KCTD15: variants seen among roughly 807,000 people sequenced by gnomAD.
The protein encoded by KCTD15 is potassium channel tetramerization domain containing 15, also known as BTB/POZ domain-containing protein KCTD15.
In KCTD15, 11 loss-of-function variants were observed where a neutral mutation model predicts 27.2. That is an observed-to-expected ratio of 0.41 (90% CI 0.25 to 0.67). The LOEUF (loss-of-function observed/expected upper bound fraction) is 0.67, where lower values mean the gene tolerates loss of function less well. Among genes scored for constraint, KCTD15 ranks in the 30% least tolerant of loss-of-function variants. KCTD15 has a pLI of 0.35. For synonymous variants in KCTD15, 163 were observed against 176.0 expected, an observed-to-expected ratio of 0.93 and a Z score of 0.58; for missense variants, 350 against 409.3, an observed-to-expected ratio of 0.86 and a Z score of 1.25.
intron 4 of KCTD15, 65 bp from the exon 5 acceptor site, chr19:33,806,798 G>T (rs1323148609): frequency 5.1e-6 from 8 of 1,572,264 alleles, no homozygotes; most frequent in Non-Finnish European, 6.1e-6. Context: ...TGGGGGCGGG[G>T]TGTGGGAAGA....
intron 5 of KCTD15, 56 bp from the exon 6 acceptor site, chr19:33,811,191 T>TCCCCCCCCCCC: frequency 3.3e-6 from 2 of 615,000 alleles, no homozygotes; most frequent in Non-Finnish European, 4.9e-6. Context: ...CTCTCCCCCT[T>TCCCCCCCCCCC]CCCCCACCAC....
intron 5 of KCTD15, 144 bp from the exon 6 acceptor site, chr19:33,811,103 T>G: frequency 1.4e-6 from 1 of 697,752 alleles, no homozygotes; most frequent in Non-Finnish European, 2.3e-6. Context: ...GTACAATGGG[T>G]GCAACCGGCC....
At position 33,812,940 on chromosome 19, in the gene KCTD15, C is replaced by G. The variant is rs1231760748; in HGVS notation, c.844C>G (p.Leu282Val). Residue 282 changes from leucine (L) to valine (V), a missense_variant, in exon 7 of 7, where the codon CTG becomes GTG. Coordinates refer to ENST00000683859, the MANE Select transcript of KCTD15 (RefSeq NM_001129994.2). ...PTAVRIKQEP[L>V]D ...TGCTGTTCGAATCAAGCAGGAACCCCTGGACTAGGCCCTGCTTCAGTGCCC... is the reference window on the plus strand; with the variant it reads ...TGCTGTTCGAATCAAGCAGGAACCCGTGGACTAGGCCCTGCTTCAGTGCCC... 1 of 1,546,698 alleles carries G rather than the reference C, an allele frequency of 6.5e-7. No homozygotes were observed. The highest frequency in any genetic ancestry group is 1.4e-5 in the African/African-American group (1 of 73,150).
intron 4 of KCTD15, among the ~76,000 whole-genome samples, chr19:33,805,003 T>C (rs757690090): frequency 2.6e-5 from 4 of 151,866 alleles, no homozygotes; most frequent in Non-Finnish European, 5.9e-5. Flanking sequence ...TCTCGGCTCA[T>C]TGCAACCTCA....
At chr19:33,796,684 G>A (rs1413391375), upstream of KCTD15, among the ~76,000 whole-genome samples, 1 of 148,108 alleles carries the variant, frequency 6.8e-6, no homozygotes, top group Non-Finnish European at 1.5e-5. Context: ...CGGGAGGGCA[G>A]CCGGAGAGCG....
At chr19:33,800,342 G>C in intron 2 of KCTD15, 86 bp from the exon 3 acceptor site, 1 of 1,126,992 alleles carries the variant, frequency 8.9e-7, no homozygotes, top group Non-Finnish European at 1.3e-6. Flanking sequence ...AGAGCATGCA[G>C]AAAGGACAAT....
intron 1 of KCTD15, 198 bp from the exon 2 acceptor site, chr19:33,798,470 G>C (rs2145428895): frequency 6.6e-6 from 1 of 152,210 alleles, no homozygotes; most frequent in South Asian, 2.1e-4. Flanking sequence ...GCAGGGACCC[G>C]GGTCTCCCGC....
At chr19:33,802,542 G>A (rs928961733) in intron 4 of KCTD15, among the ~76,000 whole-genome samples, 2 of 152,136 alleles carry the variant, frequency 1.3e-5, no homozygotes, top group Admixed American at 1.3e-4. Flanking sequence ...GAGAGTCTAG[G>A]GTACAGATGG....
chr19:33,803,780 G>A (rs887600992), intron 4 of KCTD15, among the ~76,000 whole-genome samples: 1 of 152,128 alleles, frequency 6.6e-6, no homozygotes, highest in African/African-American at 2.4e-5. Flanking sequence ...AAATGAAGAT[G>A]GCCAGGAGCT....
In KCTD15 at chr19:33,808,062, A is replaced by T. The variant is rs1599683364; in HGVS notation, c.387+1055A>T. On this transcript the variant is annotated intron_variant, in intron 5 of 6. Transcript: ENST00000683859. The stretch of plus-strand genomic sequence containing the variant: ...CCCCAGGTCTCCGGGTGAGCCCGTC[A>T]GGGCAGGTGACCTGGTTCCCTGGGT... Among the ~76,000 whole-genome samples the T allele has an allele frequency of 3.9e-5, 6 of 152,378 alleles. No homozygotes were observed. The South Asian group carries it at 1.2e-3, about 32-fold the overall frequency.
Position 33,812,962 on chromosome 19 carries a change from GC to G in KCTD15, c.*17del, listed in dbSNP as rs537048241. On this transcript the variant is annotated 3_prime_UTR_variant, in exon 7 of 7. Coordinates refer to ENST00000683859, the MANE Select transcript of KCTD15 (RefSeq NM_001129994.2). ...CCCCTGGACTAGGCCCTGCTTCAGT[GC>G]CCACCTGGGCCCCCCCAGGGACCTG... The G allele has an allele frequency of 1.1e-4, 169 of 1,530,654 alleles. No individual in the cohort carries two copies. In the African/African-American group the frequency reaches 2.2e-3, roughly 20 times the overall value. The allele number at this position is 1,530,654 out of a possible 1,614,324, so 94.8% of individuals were successfully genotyped here.
At chr19:33,798,604 T>C (rs2145429582) in intron 1 of KCTD15, 64 bp from the exon 2 acceptor site, 1 of 152,862 alleles carries the variant, frequency 6.5e-6, no homozygotes, top group African/African-American at 2.4e-5. Context: ...CTGGGTTTGA[T>C]GCTGGTGCTG....
At chr19:33,809,934 G>C (rs1211287557) in intron 5 of KCTD15, among the ~76,000 whole-genome samples, 1 of 152,190 alleles carries the variant, frequency 6.6e-6, no homozygotes, top group South Asian at 2.1e-4. Flanking sequence ...CCAGGATAGA[G>C]CCCTGAGGAG....
intron 4 of KCTD15, among the ~76,000 whole-genome samples, chr19:33,805,924 C>T (rs1056335278): frequency 1.3e-5 from 2 of 152,228 alleles, no homozygotes; most frequent in Admixed American, 6.5e-5. Flanking sequence ...CAGGGGCTCC[C>T]CAAGACCCTT....
At chr19:33,800,960 C>T (rs1338055435) in intron 3 of KCTD15, among the ~76,000 whole-genome samples, 5 of 152,076 alleles carry the variant, frequency 3.3e-5, no homozygotes, top group Non-Finnish European at 5.9e-5. Flanking sequence ...CTTTTTCCCT[C>T]TGGTACTTTG....
At position 33,806,847 on chromosome 19, in the gene KCTD15, C is replaced by G. The variant is rs778192833; in HGVS notation, c.243-16C>G. The stretch of plus-strand genomic sequence containing the variant: ...CCCCATCCCTTCAGACATCCCACCT[C>G]GCCTGTCTCTCCCAGGATAAGCCGC... On this transcript the variant is annotated splice_polypyrimidine_tract_variant and intron_variant, in intron 4 of 6. Coordinates refer to ENST00000683859, the MANE Select transcript of KCTD15 (RefSeq NM_001129994.2). 1 of 1,612,076 alleles carries G rather than the reference C, an allele frequency of 6.2e-7. No homozygotes were observed. Among genetic ancestry groups the G allele is most frequent in the Non-Finnish European group, 8.5e-7 (1 of 1,178,634 alleles).
intron 2 of KCTD15, among the ~76,000 whole-genome samples, 185 bp downstream of exon 2, chr19:33,798,951 C>A (rs75717064): frequency 6.6e-6 from 1 of 152,194 alleles, no homozygotes; most frequent in African/African-American, 2.4e-5. Context: ...CCTTCCTGTT[C>A]AGTTTATCCT....
At chr19:33,812,055 C>A in intron 6 of KCTD15, 3 of 1,391,824 alleles carry the variant, frequency 2.2e-6, no homozygotes, top group Non-Finnish European at 2.8e-6. Flanking sequence ...GCCTATTTTC[C>A]AACAGCTCTT....
intron 5 of KCTD15, among the ~76,000 whole-genome samples, chr19:33,807,800 C>A (rs562505346): frequency 6.6e-6 from 1 of 152,132 alleles, no homozygotes; most frequent in East Asian, 1.9e-4. Context: ...ATTAGCCGGG[C>A]ATGGTGACAG....
Sources: gnomAD v4.1 joint callset for allele counts (sites outside exome capture counted in the v4.1 genomes callset) on GRCh38, gnomAD v4.1.1 for gene constraint, MANE v1.5 for transcripts, NCBI Gene and HGNC (gene_info 2026-07-23, HGNC 2026-07-21) for gene names.